Variants in ZNF385D observed in about 807,000 individuals in gnomAD.
The protein encoded by ZNF385D is zinc finger protein 659.
In ZNF385D, 15 loss-of-function variants were observed where a neutral mutation model predicts 35.8. That is an observed-to-expected ratio of 0.42 (90% CI 0.28 to 0.64). ZNF385D has a LOEUF of 0.64. ZNF385D is among the 30% of genes least tolerant of loss of function. The pLI is 0.23. For synonymous variants in ZNF385D, 212 were observed against 186.8 expected (o/e 1.13, Z -1.10); for missense variants, 474 against 494.6 (o/e 0.96, Z 0.39).
intron 3 of ZNF385D, among the ~76,000 whole-genome samples, chr3:21,997,875 G>GTT (rs1695579053): frequency 3.0e-5 from 1 of 33,466 alleles, no homozygotes; most frequent in Non-Finnish European, 6.8e-5. Context: ...GCGCGCGCGT[G>GTT]TGTGTGTGTG....
rs2070881941 is a variant in ZNF385D at position 21,767,506 on chromosome 3, T to G, written c.326-102478A>C. On this transcript the variant is annotated intron_variant, in intron 3 of 5. Coordinates refer to the ZNF385D transcript ENST00000494108. ...CATTTGTTATCATTGACTCCATACT[T>G]GCCAGTTCCTTTCTAGACTAAGACT... is the stretch of plus-strand genomic sequence containing the variant. 3.3e-5 allele frequency among the ~76,000 whole-genome samples: 5 copies of G among 152,176 alleles called. No homozygotes were observed. The South Asian group carries it at 1.0e-3, about 32-fold the overall frequency.
At chr3:21,565,711 A>T (rs1223965050) in intron 2 of ZNF385D, among the ~76,000 whole-genome samples, 4 of 152,098 alleles carry the variant, frequency 2.6e-5, no homozygotes, top group Non-Finnish European at 5.9e-5. Context: ...AGCACATGTG[A>T]AGATCAAGGT....
At chr3:22,060,812 G>A (rs1472092367) in intron 3 of ZNF385D, among the ~76,000 whole-genome samples, 1 of 151,982 alleles carries the variant, frequency 6.6e-6, no homozygotes, top group Non-Finnish European at 1.5e-5. Flanking sequence ...AATATAAACA[G>A]TGAATTTTAA....
At position 21,738,007 on chromosome 3, in the gene ZNF385D, G is replaced by A. The variant is rs111659564; in HGVS notation, c.22+12888C>T. 3.8e-3 allele frequency among the ~76,000 whole-genome samples: 581 copies of A among 152,344 alleles called. 6 individuals are homozygous for A. Among genetic ancestry groups the A allele is most frequent in the Non-Finnish European group, 4.8e-3 (326 of 68,032 alleles). On this transcript the variant is annotated intron_variant, in intron 1 of 7. Transcript: ENST00000281523. ...TTGGAGAATTACAGGGGTTGGTGCT[G>A]TATGTTCCATGAACAGGATTTTATA...
intron 4 of ZNF385D, among the ~76,000 whole-genome samples, chr3:21,455,777 G>C (rs557748704): frequency 2.9e-3 from 441 of 152,206 alleles, no homozygotes; most frequent in Admixed American, 5.2e-3. Context: ...CACAGCAAAA[G>C]AAACTACCAT....
At chr3:22,284,385 T>C (rs989925986) in intron 2 of ZNF385D, among the ~76,000 whole-genome samples, 3 of 151,712 alleles carry the variant, frequency 2.0e-5, no homozygotes, top group South Asian at 2.1e-4. Context: ...AGAGATGGAG[T>C]TTCACCGTGT....
chr3:22,250,678 G>C (rs1033989228), intron 2 of ZNF385D, among the ~76,000 whole-genome samples: 1 of 152,064 alleles, frequency 6.6e-6, no homozygotes, highest in Admixed American at 6.6e-5. Flanking sequence ...TCAAGGCACA[G>C]AGCCCCATGC....
At chr3:22,233,891 C>G (rs1306170586) in intron 2 of ZNF385D, among the ~76,000 whole-genome samples, 1 of 152,062 alleles carries the variant, frequency 6.6e-6, no homozygotes, top group African/African-American at 2.4e-5. Flanking sequence ...TCATCAATTA[C>G]CATGATTTAT....
intron 4 of ZNF385D, among the ~76,000 whole-genome samples, chr3:21,453,601 C>A (rs9883037): frequency 0.6 from 90,679 of 151,798 alleles, 27,691 homozygotes; most frequent in East Asian, 0.78. Context: ...TGATCCAATA[C>A]ACACATGAAA....
chr3:22,165,079 G>C (rs767380200), intron 3 of ZNF385D, among the ~76,000 whole-genome samples: 1 of 152,112 alleles, frequency 6.6e-6, no homozygotes, highest in African/African-American at 2.4e-5. Flanking sequence ...TTGTGATGTT[G>C]GATACATGTC....
At chr3:21,896,213 T>C (rs1002363608) in intron 3 of ZNF385D, among the ~76,000 whole-genome samples, 3 of 152,144 alleles carry the variant, frequency 2.0e-5, no homozygotes, top group Non-Finnish European at 2.9e-5. Context: ...TGCCTGTAAT[T>C]ACATCACCTG....
intron 2 of ZNF385D, among the ~76,000 whole-genome samples, chr3:21,663,977 A>C (rs1218645093): frequency 6.8e-6 from 1 of 146,144 alleles, no homozygotes; most frequent in Non-Finnish European, 1.5e-5. Context: ...TGTGTTATTT[A>C]GATCACTGGA....
chr3:21,997,517 T>C (rs73135384), intron 3 of ZNF385D, among the ~76,000 whole-genome samples: 5,282 of 151,934 alleles, frequency 0.035, 310 homozygotes, highest in African/African-American at 0.12. Flanking sequence ...AAAAATGTGA[T>C]TTTTAAAATC....
chr3:21,922,713 A>G (rs9831696), intron 3 of ZNF385D, among the ~76,000 whole-genome samples: 2,812 of 152,316 alleles, frequency 0.018, 94 homozygotes, highest in African/African-American at 0.064. Context: ...AACACCATCC[A>G]GGACATCTGC....
chr3:21,531,476 T>G (rs1446494776), intron 3 of ZNF385D, among the ~76,000 whole-genome samples: 1 of 152,222 alleles, frequency 6.6e-6, no homozygotes, highest in Non-Finnish European at 1.5e-5. Flanking sequence ...ATAGCAGCTT[T>G]ATTCACATGT....
At chr3:22,173,826 G>A (rs1187166925) in intron 2 of ZNF385D, among the ~76,000 whole-genome samples, 2 of 152,062 alleles carry the variant, frequency 1.3e-5, no homozygotes, top group African/African-American at 4.8e-5. Flanking sequence ...TGACTAGGTA[G>A]GTAAATTCAA....
chr3:22,361,086 C>T (rs1270905758), intron 2 of ZNF385D, among the ~76,000 whole-genome samples: 4 of 152,018 alleles, frequency 2.6e-5, no homozygotes, highest in Non-Finnish European at 5.9e-5. Context: ...TGTTGCATCA[C>T]AAACACATCT....
intron 3 of ZNF385D, among the ~76,000 whole-genome samples, chr3:22,104,684 C>A (rs370715434): frequency 1.3e-5 from 2 of 152,112 alleles, no homozygotes; most frequent in East Asian, 3.9e-4. Context: ...CTTTCCCTAC[C>A]CATAACTAGA....
At chr3:22,020,748 C>T (rs886085024) in intron 3 of ZNF385D, among the ~76,000 whole-genome samples, 1 of 151,894 alleles carries the variant, frequency 6.6e-6, no homozygotes, top group Non-Finnish European at 1.5e-5. Context: ...ATAGAACTAC[C>T]ATTTAATCCA....
Sources: allele counts gnomAD v4.1 joint callset (sites outside exome capture counted in the v4.1 genomes callset), GRCh38; gene constraint gnomAD v4.1.1; transcripts MANE v1.5; gene names NCBI Gene and HGNC (gene_info 2026-07-23, HGNC 2026-07-21).